The following KCNMB2 variants were observed in gnomAD, a reference collection of about 807,000 sequenced individuals.
KCNMB2 encodes the protein potassium calcium-activated channel subfamily M regulatory beta subunit 2.
A neutral mutation model predicts 24.5 loss-of-function variants in KCNMB2; 9 were observed. The ratio of observed to expected loss-of-function variants is 0.37; its 90% CI spans 0.22 to 0.64. KCNMB2 has a LOEUF of 0.64. Among genes scored for constraint, KCNMB2 ranks in the 30% least tolerant of loss-of-function variants. The pLI is 0.63. For synonymous variants in KCNMB2, 109 were observed against 104.4 expected (o/e 1.04, Z -0.27); for missense variants, 226 against 284.3 (o/e 0.79, Z 1.47).
intron 1 of KCNMB2, among the ~76,000 whole-genome samples, chr3:178,625,084 G>A (rs916548194): frequency 6.6e-6 from 1 of 152,066 alleles, no homozygotes; most frequent in Non-Finnish European, 1.5e-5. Flanking sequence ...GGCTCTCCTG[G>A]TGAGGGGTTT....
chr3:178,697,996 G>A lies in KCNMB2; in HGVS notation c.-67-109347G>A, dbSNP rs546664760. 7.5e-4 allele frequency among the ~76,000 whole-genome samples: 114 copies of A among 152,108 alleles called. 1 individual carries two copies. Among genetic ancestry groups the A allele is most frequent in the African/African-American group, 2.5e-3 (104 of 41,480 alleles). ...CTGTTAGTCTGATGGGCTTCCCTTC[G>A]TAGGTGACCAGAACTTTCTCTCTAG... On this transcript the variant is annotated intron_variant, in intron 1 of 4. Transcript: ENST00000452583.
intron 1 of KCNMB2, among the ~76,000 whole-genome samples, chr3:178,718,177 A>C (rs1472438874): frequency 6.6e-6 from 1 of 152,236 alleles, no homozygotes. Context: ...CTGTGATAGA[A>C]GTAGATCAGA....
At chr3:178,833,823 A>G (rs534637932) in intron 4 of KCNMB2, among the ~76,000 whole-genome samples, 1 of 152,254 alleles carries the variant, frequency 6.6e-6, no homozygotes, top group South Asian at 2.1e-4. Flanking sequence ...TTATGACCGA[A>G]GCTGTTTAAG....
intron 1 of KCNMB2, among the ~76,000 whole-genome samples, chr3:178,756,892 C>G (rs1025331981): frequency 1.3e-5 from 2 of 152,042 alleles, no homozygotes; most frequent in Admixed American, 1.3e-4. Flanking sequence ...TCACAGCTTT[C>G]CTGAGCTTAA....
intron 1 of KCNMB2, among the ~76,000 whole-genome samples, chr3:178,657,116 A>G (rs13061192): frequency 0.27 from 41,042 of 151,900 alleles, 6,457 homozygotes; most frequent in African/African-American, 0.43. Context: ...GGTTGTCTAA[A>G]TCTACACAGC....
chr3:178,754,150 G>GTGTATA (rs1553773711), intron 1 of KCNMB2, among the ~76,000 whole-genome samples: 2 of 106,278 alleles, frequency 1.9e-5, no homozygotes, highest in African/African-American at 7.5e-5. Context: ...ATATTCCATT[G>GTGTATA]TATATATATA....
At chr3:178,557,633 T>C (rs569545238) in intron 1 of KCNMB2, among the ~76,000 whole-genome samples, 2 of 152,274 alleles carry the variant, frequency 1.3e-5, no homozygotes, top group East Asian at 3.9e-4. Context: ...TTGTTACTCT[T>C]ATGAAAAAGA....
At chr3:178,648,429 C>T (rs752361251) in intron 1 of KCNMB2, among the ~76,000 whole-genome samples, 6 of 152,116 alleles carry the variant, frequency 3.9e-5, no homozygotes, top group Non-Finnish European at 7.3e-5. Context: ...GTGCCAACTA[C>T]TTGTGAGCCT....
chr3:178,831,533 G>A (rs1369445282), intron 4 of KCNMB2, among the ~76,000 whole-genome samples: 1 of 152,082 alleles, frequency 6.6e-6, no homozygotes, highest in African/African-American at 2.4e-5. Flanking sequence ...AGAAAATGTG[G>A]TACATATACA....
rs1159148767 is a variant in KCNMB2, at chr3:178,619,038, A to G, written c.-68+82327A>G. On this transcript the variant is annotated intron_variant, in intron 1 of 4. Coordinates refer to ENST00000452583, the MANE Select transcript of KCNMB2 (RefSeq NM_181361.3). Reference sequence around the variant, plus strand: ...GCCCGTGTCCTAAAAAGTTTTCTCTAATACAGTGAGGAAACAGCAGTCATC... The same window carrying G: ...GCCCGTGTCCTAAAAAGTTTTCTCTGATACAGTGAGGAAACAGCAGTCATC... Among the ~76,000 whole-genome samples the G allele has an allele frequency of 2.0e-5, 3 of 152,288 alleles. 1 individual carries two copies. In the Middle Eastern group the frequency reaches 0.01, roughly 518 times the overall value.
intron 1 of KCNMB2, among the ~76,000 whole-genome samples, chr3:178,725,983 C>A (rs1363625008): frequency 6.6e-6 from 1 of 151,592 alleles, no homozygotes; most frequent in African/African-American, 2.4e-5. Flanking sequence ...TATTTGTTTT[C>A]TCTATTTTTC....
At chr3:178,542,245 T>C (rs1293141166) in intron 1 of KCNMB2, among the ~76,000 whole-genome samples, 1 of 152,158 alleles carries the variant, frequency 6.6e-6, no homozygotes, top group Non-Finnish European at 1.5e-5. Context: ...AGCTACATGA[T>C]GTTGGGCAAG....
intron 1 of KCNMB2, among the ~76,000 whole-genome samples, chr3:178,806,569 T>G (rs565708873): frequency 6.6e-6 from 1 of 152,148 alleles, no homozygotes; most frequent in South Asian, 2.1e-4. Context: ...GATTAAGGCT[T>G]TTTTATTTAA....
chr3:178,548,132 C>T (rs1328681546), intron 1 of KCNMB2, among the ~76,000 whole-genome samples: 1 of 152,152 alleles, frequency 6.6e-6, no homozygotes, highest in Non-Finnish European at 1.5e-5. Flanking sequence ...CAACTCTACC[C>T]TCATATTTTT....
At chr3:178,828,120 A>C in intron 3 of KCNMB2, 58 bp from the exon 4 acceptor site, 2 of 1,282,362 alleles carry the variant, frequency 1.6e-6, no homozygotes, top group Non-Finnish European at 2.2e-6. Flanking sequence ...CCCTCGGACT[A>C]TACCTTTCTC....
At chr3:178,794,756 A>C (rs982242520) in intron 1 of KCNMB2, among the ~76,000 whole-genome samples, 1 of 152,186 alleles carries the variant, frequency 6.6e-6, no homozygotes, top group African/African-American at 2.4e-5. Context: ...GCTGGAAAGG[A>C]GGGCTGGAAC....
chr3:178,643,403 A>C (rs2108551076), intron 1 of KCNMB2, among the ~76,000 whole-genome samples: 1 of 152,322 alleles, frequency 6.6e-6, no homozygotes, highest in Middle Eastern at 3.4e-3. Flanking sequence ...ATATACACAC[A>C]CATACATGCA....
chr3:178,539,144 T>C (rs1715504705), intron 1 of KCNMB2, among the ~76,000 whole-genome samples: 1 of 152,158 alleles, frequency 6.6e-6, no homozygotes, highest in Admixed American at 6.5e-5. Context: ...CATCCTACTT[T>C]ATTGGAAGAT....
chr3:178,799,824 G>C (rs554757705), intron 1 of KCNMB2, among the ~76,000 whole-genome samples: 12 of 151,974 alleles, frequency 7.9e-5, no homozygotes, highest in Non-Finnish European at 1.5e-4. Context: ...GGAAGAAAAA[G>C]AGACAAATAC....
Sources: allele counts gnomAD v4.1 joint callset (sites outside exome capture counted in the v4.1 genomes callset), GRCh38; gene constraint gnomAD v4.1.1; transcripts MANE v1.5; gene names NCBI Gene and HGNC (gene_info 2026-07-23, HGNC 2026-07-21).